Variants in RANGAP1 observed in about 807,000 individuals in gnomAD.
RANGAP1 encodes Ran GTPase activating protein 1, also known as ran GTPase-activating protein 1.
A neutral mutation model predicts 63.5 loss-of-function variants in RANGAP1; 38 were observed. The observed-to-expected ratio is 0.60, with a 90% CI of 0.46 to 0.78. The LOEUF (loss-of-function observed/expected upper bound fraction) is 0.78, where lower values mean the gene tolerates loss of function less well. RANGAP1 is among the 30% of genes least tolerant of loss of function. The probability of loss-of-function intolerance (pLI) is 0.00; values close to 1 mark genes in which losing one functional copy is unlikely to be tolerated. For missense variants in RANGAP1, 630 were observed against 740.3 expected, an observed-to-expected ratio of 0.85 and a Z score of 1.73; for synonymous variants, 329 against 310.5, an observed-to-expected ratio of 1.06 and a Z score of -0.63.
At chr22:41,288,920 A>AT (rs10657576), upstream of RANGAP1, among the ~76,000 whole-genome samples, 36,121 of 111,078 alleles carry the variant, frequency 0.33, 7,308 homozygotes, top group Admixed American at 0.5. Flanking sequence ...CTATATCCTG[A>AT]TTTTTTTTTT....
chr22:41,302,245 G>A, the RANGAP1 span, among the ~76,000 whole-genome samples: 2 of 151,568 alleles, frequency 1.3e-5, no homozygotes, highest in Non-Finnish European at 2.9e-5. The surrounding 1 kb of genome is among the most constrained non-coding windows in gnomAD (Gnocchi z 5.7). Context: ...TGGCCCCGCA[G>A]CACCCGGAGT....
intron 1 of RANGAP1, chr22:41,282,013 A>G (rs926544269): frequency 2.6e-5 from 4 of 152,228 alleles, no homozygotes; most frequent in African/African-American, 9.6e-5. Context: ...AATCCCAGCC[A>G]CTGGGGAGGC....
intron 1 of RANGAP1, among the ~76,000 whole-genome samples, chr22:41,284,083 T>C (rs2035631528): frequency 6.6e-6 from 1 of 151,194 alleles, no homozygotes; most frequent in Non-Finnish European, 1.5e-5. Flanking sequence ...CCGTCTCCAC[T>C]AAAAATACAA....
chr22:41,251,114 G>C lies in RANGAP1; in HGVS notation c.1381-5C>G. On this transcript the variant is annotated splice_region_variant and splice_polypyrimidine_tract_variant and intron_variant, in intron 12 of 15. Transcript: ENST00000356244. ...CTCGGGGTCAGACGTGTCAGTCTGAGGACAAAAGAGACAATGGTTGGCCTG... is the reference window on the plus strand; with the variant it reads ...CTCGGGGTCAGACGTGTCAGTCTGACGACAAAAGAGACAATGGTTGGCCTG... The C allele has an allele frequency of 6.2e-7, 1 of 1,611,420 alleles. No homozygotes were observed. Among genetic ancestry groups the C allele is most frequent in the Non-Finnish European group, 8.5e-7 (1 of 1,178,010 alleles).
chr22:41,258,230 C>G, intron 6 of RANGAP1, 124 bp from the exon 7 acceptor site: 2 of 1,123,358 alleles, frequency 1.8e-6, no homozygotes, highest in Non-Finnish European at 2.4e-6. Flanking sequence ...AGGGGCCTGT[C>G]TGTGGGATTT....
chr22:41,264,626 A>T, intron 5 of RANGAP1, 38 bp downstream of exon 5: 2 of 1,593,170 alleles, frequency 1.3e-6, no homozygotes, highest in South Asian at 2.2e-5. Context: ...ATGTGGATGG[A>T]CCAGGGGACT....
At chr22:41,293,508 A>G in the RANGAP1 span, among the ~76,000 whole-genome samples, 1 of 151,670 alleles carries the variant, frequency 6.6e-6, no homozygotes, top group South Asian at 2.1e-4. Flanking sequence ...GGCTGGGTGC[A>G]GTGCCTCACG....
At chr22:41,253,028 G>C (rs764701031) in intron 11 of RANGAP1, 37 bp from the exon 12 acceptor site, 1 of 1,401,702 alleles carries the variant, frequency 7.1e-7, no homozygotes, top group Non-Finnish European at 9.3e-7. Flanking sequence ...GGAGAATTCC[G>C]GACCCCAGAC....
In RANGAP1 at chr22:41,268,693, C is replaced by T. The variant is rs1284709014; in HGVS notation, c.241-537G>A. On this transcript the variant is annotated intron_variant, in intron 3 of 15. Coordinates refer to ENST00000356244, the MANE Select transcript of RANGAP1 (RefSeq NM_002883.4). ...TCACAAGTGTCAGGAAAATCCCTGACTTGTACAACCCTCTAGGTGGACGTG... is the reference window on the plus strand; with the variant it reads ...TCACAAGTGTCAGGAAAATCCCTGATTTGTACAACCCTCTAGGTGGACGTG... 2.0e-5 allele frequency among the ~76,000 whole-genome samples: 3 copies of T among 152,164 alleles called. No individual in the cohort carries two copies. The East Asian group carries it at 5.8e-4, about 29-fold the overall frequency.
chr22:41,281,680 G>A, intron 1 of RANGAP1: 1 of 969,476 alleles, frequency 1.0e-6, no homozygotes, highest in Non-Finnish European at 1.2e-6. Context: ...CTAGATCAGA[G>A]ATCGCCACAT....
At chr22:41,273,750 G>C (rs928462958) in intron 3 of RANGAP1, among the ~76,000 whole-genome samples, 2 of 100,828 alleles carry the variant, frequency 2.0e-5, no homozygotes, top group African/African-American at 7.4e-5. Flanking sequence ...CCGGGTGACA[G>C]TGTGAGACTC....
intron 12 of RANGAP1, among the ~76,000 whole-genome samples, chr22:41,252,645 T>A (rs2033541370): frequency 1.3e-5 from 2 of 152,152 alleles, no homozygotes. Context: ...GCATGGGAAC[T>A]GGCGGGCTGT....
rs1451537187 is a variant in RANGAP1 at position 41,285,623 on chromosome 22, G to C, written c.-39+363C>G. 3.0e-6 allele frequency: 3 copies of C among 985,276 alleles called. No homozygotes were observed. The East Asian group carries it at 3.4e-4, about 112-fold the overall frequency. The allele number at this position is 985,276 out of a possible 1,614,324, so 61.0% of individuals were successfully genotyped here. Reference sequence around the variant, plus strand: ...TGGGAGGTGGCTCTGCGGGAGCGACGCGCGAATACAGGCCGCAAATGATAG... The same window carrying C: ...TGGGAGGTGGCTCTGCGGGAGCGACCCGCGAATACAGGCCGCAAATGATAG... On this transcript the variant is annotated intron_variant, in intron 1 of 15. Transcript: ENST00000356244.
intron 4 of RANGAP1, among the ~76,000 whole-genome samples, chr22:41,265,860 C>G (rs895463818): frequency 9.9e-5 from 15 of 152,196 alleles, no homozygotes; most frequent in African/African-American, 3.6e-4. Context: ...TCCCACCACT[C>G]AGTAAGCAAA....
upstream of RANGAP1, among the ~76,000 whole-genome samples, chr22:41,290,704 A>C (rs2035828954): frequency 1.3e-5 from 2 of 152,298 alleles, no homozygotes; most frequent in East Asian, 3.9e-4. Context: ...AGTCTGGTTT[A>C]CTTAACTGAG....
intron 4 of RANGAP1, among the ~76,000 whole-genome samples, chr22:41,266,904 G>A (rs1456173009): frequency 1.1e-4 from 2 of 18,056 alleles, no homozygotes; most frequent in Non-Finnish European, 2.5e-4. Context: ...TTTTTGAGAC[G>A]GAGTCTTGCT....
intron 6 of RANGAP1, 101 bp from the exon 7 acceptor site, chr22:41,258,207 G>T: frequency 7.5e-7 from 1 of 1,335,978 alleles, no homozygotes; most frequent in Non-Finnish European, 1.0e-6. Context: ...ATGGGCTGCC[G>T]CCAGCACAGG....
chr22:41,264,995 G>A (rs2034385067), intron 4 of RANGAP1, 152 bp from the exon 5 acceptor site: 1 of 772,552 alleles, frequency 1.3e-6, no homozygotes, highest in South Asian at 2.0e-5. Flanking sequence ...TCTTAAGACT[G>A]GAAACCCTGC....
At chr22:41,283,036 T>A (rs1038037117) in intron 1 of RANGAP1, among the ~76,000 whole-genome samples, 2 of 152,106 alleles carry the variant, frequency 1.3e-5, no homozygotes, top group Non-Finnish European at 2.9e-5. Flanking sequence ...CCTTTATCAA[T>A]AAGCATGAAT....
Sources: allele counts gnomAD v4.1 joint callset (sites outside exome capture counted in the v4.1 genomes callset), GRCh38; gene constraint gnomAD v4.1.1; non-coding constraint Gnocchi (gnomAD v3.1); transcripts MANE v1.5; gene names NCBI Gene and HGNC (gene_info 2026-07-23, HGNC 2026-07-21).